CNGB3: variants seen among roughly 807,000 people sequenced by gnomAD.
CNGB3 encodes cyclic nucleotide-gated channel beta-3.
CNGB3 carries 86 observed loss-of-function variants against 92.8 expected under a neutral mutation model. The observed-to-expected ratio is 0.93, with a 90% CI of 0.78 to 1.11. The LOEUF (loss-of-function observed/expected upper bound fraction) is 1.11, where lower values mean the gene tolerates loss of function less well. Ranked by LOEUF, CNGB3 falls within the 50% of genes least tolerant of loss-of-function variation. The probability of loss-of-function intolerance (pLI) is 0.00; values close to 1 mark genes in which losing one functional copy is unlikely to be tolerated. For synonymous variants in CNGB3, 333 were observed against 332.7 expected (o/e 1.00, Z -0.01); for missense variants, 1,026 against 956.8 (o/e 1.07, Z -0.95).
At chr8:86,670,077 T>C (rs981981566) in intron 4 of CNGB3, among the ~76,000 whole-genome samples, 1 of 152,152 alleles carries the variant, frequency 6.6e-6, no homozygotes, top group African/African-American at 2.4e-5. Flanking sequence ...CTTGATCTCC[T>C]GACCTCGTGA....
Position 86,575,740 on chromosome 8 carries a change from G to T in CNGB3, c.*64C>A. ...ATGTCGTTTCCCCTCGTTAATTTAA[G>T]TTACAATCCTAGGTACAATCACTTT... On this transcript the variant is annotated 3_prime_UTR_variant, in exon 18 of 18. Transcript: ENST00000320005. 1 of 1,460,274 alleles carries T rather than the reference G, an allele frequency of 6.8e-7. No individual in the cohort carries two copies. The allele number at this position is 1,460,274 out of a possible 1,614,324, so 90.5% of individuals were successfully genotyped here.
rs1824746630 is a variant in CNGB3 at position 86,711,317 on chromosome 8, G to T, written c.338+15214C>A. ...GCCTGCCTGCGTCATAGAAATCTGA[G>T]ATTGTTCACTCTTGTAATTTTCAAA... On this transcript the variant is annotated intron_variant, in intron 3 of 17. Coordinates refer to ENST00000320005, the MANE Select transcript of CNGB3 (RefSeq NM_019098.5). 2.0e-5 allele frequency among the ~76,000 whole-genome samples: 3 copies of T among 152,086 alleles called. No homozygotes were observed. In the East Asian group the frequency reaches 5.8e-4, roughly 29 times the overall value.
At chr8:86,657,943 TC>T in intron 6 of CNGB3, 2 of 550,802 alleles carry the variant, frequency 3.6e-6, no homozygotes. Context: ...TGCCCTGGCC[TC>T]CCCCTCACTG....
At chr8:86,660,672 C>CA in intron 6 of CNGB3, 1 of 531,870 alleles carries the variant, frequency 1.9e-6, no homozygotes, top group East Asian at 5.4e-5. Context: ...TTTGTGTAGG[C>CA]ACAGCTACAG....
rs1327818267 is a variant in CNGB3 at position 86,628,957 on chromosome 8, G to A, written c.1442C>T (p.Thr481Ile). Residue 481 changes from threonine to isoleucine, a missense_variant, in exon 12 of 18, where the codon ACT becomes ATT. By Grantham distance (89) the Thr-to-Ile change is moderately conservative (BLOSUM62 -1). Transcript: ENST00000320005. ...IPKLVQKRVR[T>I]WYEYTWDSQR... ...AGAGTCCCATGTATATTCATACCAA[G>A]TCCGAACTCGCTTTTGCACAAGTTT... 1.2e-6 allele frequency: 2 copies of A among 1,613,900 alleles called. No homozygotes were observed. Among genetic ancestry groups the A allele is most frequent in the Non-Finnish European group, 1.7e-6 (2 of 1,179,902 alleles).
chr8:86,656,553 C>T (rs930201467), intron 6 of CNGB3, among the ~76,000 whole-genome samples: 1 of 152,296 alleles, frequency 6.6e-6, no homozygotes, highest in South Asian at 2.1e-4. Context: ...TTAATTATCT[C>T]TCCCTCTTTT....
At chr8:86,643,915 C>G (rs1237832105) in intron 9 of CNGB3, 42 bp from the exon 10 acceptor site, 3 of 1,590,596 alleles carry the variant, frequency 1.9e-6, no homozygotes, top group Non-Finnish European at 2.6e-6. Flanking sequence ...CATGTTGTTT[C>G]TGAAATACAG....
intron 2 of CNGB3, among the ~76,000 whole-genome samples, chr8:86,733,817 A>C (rs1437731043): frequency 6.6e-6 from 1 of 152,180 alleles, no homozygotes; most frequent in Non-Finnish European, 1.5e-5. Flanking sequence ...GTGGTTTCCT[A>C]TTTAAACATC....
At chr8:86,634,456 T>C (rs1451309742) in intron 10 of CNGB3, among the ~76,000 whole-genome samples, 1 of 152,154 alleles carries the variant, frequency 6.6e-6, no homozygotes, top group African/African-American at 2.4e-5. Context: ...TGTAACCTCA[T>C]CAGAAGTCAA....
chr8:86,641,979 G>C (rs936005801), intron 10 of CNGB3, among the ~76,000 whole-genome samples: 3 of 151,756 alleles, frequency 2.0e-5, no homozygotes, highest in Non-Finnish European at 4.4e-5. Context: ...ATGGGCTAAA[G>C]CTGAGATTTC....
At chr8:86,656,020 T>C (rs1044514299) in intron 6 of CNGB3, among the ~76,000 whole-genome samples, 5 of 152,192 alleles carry the variant, frequency 3.3e-5, no homozygotes, top group Non-Finnish European at 7.3e-5. Flanking sequence ...ACTCCCTAGT[T>C]ACTCCCCACA....
intron 3 of CNGB3, among the ~76,000 whole-genome samples, chr8:86,678,056 T>A (rs1398987777): frequency 2.0e-5 from 3 of 152,186 alleles, no homozygotes; most frequent in Non-Finnish European, 4.4e-5. Flanking sequence ...TCTTGTTGAA[T>A]AACAGGCAGG....
intron 4 of CNGB3, among the ~76,000 whole-genome samples, chr8:86,669,414 G>A (rs1823813370): frequency 6.6e-6 from 1 of 152,132 alleles, no homozygotes; most frequent in South Asian, 2.1e-4. Context: ...TCACAAATAA[G>A]GTGTCACAAA....
At chr8:86,711,497 G>A (rs962644200) in intron 3 of CNGB3, among the ~76,000 whole-genome samples, 2 of 152,142 alleles carry the variant, frequency 1.3e-5, no homozygotes, top group African/African-American at 2.4e-5. Flanking sequence ...AGAAAGGAAG[G>A]AGACTCAGAA....
chr8:86,658,961 A>G, intron 6 of CNGB3: 2 of 1,089,122 alleles, frequency 1.8e-6, no homozygotes, highest in Admixed American at 3.5e-5. Context: ...TCAAGCCCTC[A>G]TTGTCTTGCA....
chr8:86,710,966 T>C (rs939030295), intron 3 of CNGB3, among the ~76,000 whole-genome samples: 2 of 152,214 alleles, frequency 1.3e-5, no homozygotes, highest in Non-Finnish European at 2.9e-5. Flanking sequence ...ACTTATCTAT[T>C]CTTTCAAGGG....
intron 6 of CNGB3, chr8:86,659,095 T>C: frequency 2.6e-6 from 2 of 759,616 alleles, no homozygotes; most frequent in Non-Finnish European, 4.5e-6. Flanking sequence ...GGTTCAGCGA[T>C]CTGTTCCCTC....
At chr8:86,686,729 G>A (rs927502504) in intron 3 of CNGB3, among the ~76,000 whole-genome samples, 1 of 151,938 alleles carries the variant, frequency 6.6e-6, no homozygotes, top group African/African-American at 2.4e-5. Flanking sequence ...TTTGACTCAG[G>A]TGATAAGGTA....
intron 13 of CNGB3, among the ~76,000 whole-genome samples, chr8:86,612,519 C>A (rs1822541551): frequency 6.6e-6 from 1 of 152,298 alleles, no homozygotes. Context: ...GAGTCAGTGG[C>A]AGAGAAAGGA....
Sources: gnomAD v4.1 joint callset for allele counts (sites outside exome capture counted in the v4.1 genomes callset) on GRCh38, gnomAD v4.1.1 for gene constraint, MANE v1.5 for transcripts, NCBI Gene and HGNC (gene_info 2026-07-23, HGNC 2026-07-21) for gene names.